The following TFAP2A variants were observed in gnomAD, a reference collection of about 807,000 sequenced individuals.
The protein encoded by TFAP2A is transcription factor AP-2 alpha, also known as transcription factor AP-2-alpha.
In TFAP2A, 7 loss-of-function variants were observed where a neutral mutation model predicts 41.5. That is an observed-to-expected ratio of 0.17 (90% CI 0.10 to 0.32). TFAP2A has a LOEUF of 0.32. Among genes scored for constraint, TFAP2A ranks in the 10% least tolerant of loss-of-function variants. The pLI is 1.00. For missense variants in TFAP2A, 416 were observed against 563.3 expected (o/e 0.74, Z 2.65); for synonymous variants, 247 against 242.8 (o/e 1.02, Z -0.16).
At chr6:10,411,315 C>T (rs1757958144) in intron 1 of TFAP2A, among the ~76,000 whole-genome samples, 1 of 152,002 alleles carries the variant, frequency 6.6e-6, no homozygotes, top group Non-Finnish European at 1.5e-5. Context: ...GAGAAACACG[C>T]CTTGGGAAGC....
Position 10,398,609 on chromosome 6 carries a change from G to A in TFAP2A, c.1128C>T (p.Ser376=). The A allele has an allele frequency of 6.2e-7, 1 of 1,614,234 alleles. No homozygotes were observed. Among genetic ancestry groups the A allele is most frequent in the Non-Finnish European group, 8.5e-7 (1 of 1,180,040 alleles). ...AGATGAGGTTGAAGTGGGTCAAGCA[G>A]CTCTGGATGCCGGGCTCCAGGATGG... ...PNPILEPGIQ[S]CLTHFNLISH... Residue 376 remains serine (S), a synonymous_variant, in exon 7 of 7, where the codon AGC becomes AGT. Coordinates refer to ENST00000379613, the MANE Select transcript of TFAP2A (RefSeq NM_001372066.1). This position sits in a 1 kb window ranked among gnomAD's most constrained non-coding sequence, Gnocchi z 5.3.
intron 2 of TFAP2A, chr6:10,409,053 A>C (rs1757836560): frequency 6.6e-6 from 1 of 152,254 alleles, no homozygotes; most frequent in South Asian, 2.1e-4. Flanking sequence ...CCATAAATAT[A>C]TAGAATTGAA....
Position 10,402,485 on chromosome 6 carries a change from C to A in TFAP2A, c.889+7G>T. ...GTTCCTTCTAGTTAGCAAGTGGATT[C>A]GCTTACCCTCTACTAGTGATGTGAG... is the stretch of plus-strand genomic sequence containing the variant. On this transcript the variant is annotated splice_region_variant and intron_variant, in intron 5 of 6. Coordinates refer to ENST00000379613, the MANE Select transcript of TFAP2A (RefSeq NM_001372066.1). 6.2e-7 allele frequency: 1 copy of A among 1,600,858 alleles called. No homozygotes were observed.
intron 4 of TFAP2A, among the ~76,000 whole-genome samples, chr6:10,404,129 G>A (rs1355519743): frequency 6.6e-6 from 1 of 152,264 alleles, no homozygotes; most frequent in Non-Finnish European, 1.5e-5. Context: ...TGCAAGGTGT[G>A]CGCGAAGAGG....
chr6:10,413,184 C>A (rs1474780498), intron 1 of TFAP2A, among the ~76,000 whole-genome samples: 3 of 152,244 alleles, frequency 2.0e-5, no homozygotes, highest in Non-Finnish European at 4.4e-5. Flanking sequence ...CTGCCCCAAG[C>A]CAGCTCCGAA....
At position 10,400,770 on chromosome 6, in the gene TFAP2A, T is replaced by C. The variant is rs555400537; in HGVS notation, c.890-181A>G. On this transcript the variant is annotated intron_variant, in intron 5 of 6. Coordinates refer to ENST00000379613, the MANE Select transcript of TFAP2A (RefSeq NM_001372066.1). Reference sequence around the variant, plus strand: ...CTGTAGGATCTGGTGGATGCATTTATCAGGAAAAATGACCACTTCTCCTAG... The same window carrying C: ...CTGTAGGATCTGGTGGATGCATTTACCAGGAAAAATGACCACTTCTCCTAG... 5.1e-6 allele frequency: 4 copies of C among 782,144 alleles called. No homozygotes were observed. In the East Asian group the frequency reaches 8.1e-5, roughly 16 times the overall value. 48.5% of individuals were successfully genotyped at this position (782,144 alleles called of 1,614,324 possible).
At position 10,410,213 on chromosome 6, in the gene TFAP2A, T is replaced by A; in HGVS notation, c.174A>T (p.Pro58=). Residue 58 remains proline, a synonymous_variant, in exon 2 of 7, where the codon CCA becomes CCT. Transcript: ENST00000379613. The part of the protein sequence containing the change: ...SHTPNADFQP[P]YFPPPYQPIY... ...TAGGCTGGTAGGGTGGGGGGAAGTA[T>A]GGGGGCTGGAAGTCGGCATTGGGGG... 1 of 322,004 alleles carries A rather than the reference T, an allele frequency of 3.1e-6. No individual in the cohort carries two copies. Among genetic ancestry groups the A allele is most frequent in the Non-Finnish European group, 5.1e-6 (1 of 194,736 alleles). The allele number at this position is 322,004 out of a possible 1,614,324, so 19.9% of individuals were successfully genotyped here. A position where few individuals can be genotyped will look rare whatever the true frequency, so the allele number is the denominator to read the frequency against.
upstream of TFAP2A, chr6:10,418,572 G>A (rs1758322357): frequency 6.6e-6 from 1 of 152,310 alleles, no homozygotes; most frequent in Non-Finnish European, 1.5e-5. Flanking sequence ...CGAAGGGAAA[G>A]TGTCTGGAAG....
intron 6 of TFAP2A, among the ~76,000 whole-genome samples, chr6:10,399,319 A>T (rs1204849490): frequency 6.6e-6 from 1 of 152,264 alleles, no homozygotes; most frequent in Non-Finnish European, 1.5e-5. Context: ...TGTTACTTGG[A>T]GATAATTCAA....
chr6:10,414,464 A>AGAAG, intron 1 of TFAP2A: 1 of 266,926 alleles, frequency 3.7e-6, no homozygotes, highest in Non-Finnish European at 7.4e-6. Flanking sequence ...GGGGGAAGAA[A>AGAAG]GAATGAATGA....
intron 1 of TFAP2A, chr6:10,414,678 T>C: frequency 1.7e-6 from 1 of 604,962 alleles, no homozygotes; most frequent in Middle Eastern, 4.5e-4. Context: ...CCCCCATTCT[T>C]AGGCACAGCC....
At chr6:10,410,605 A>AACAC (rs1266862177) in intron 1 of TFAP2A, among the ~76,000 whole-genome samples, 3 of 152,202 alleles carry the variant, frequency 2.0e-5, no homozygotes, top group Non-Finnish European at 4.4e-5. Context: ...GGTCTCCTGG[A>AACAC]ACACAGCCCA....
intron 1 of TFAP2A, 77 bp downstream of exon 1, chr6:10,414,864 A>G (rs1758176447): frequency 6.3e-7 from 1 of 1,594,956 alleles, no homozygotes; most frequent in Non-Finnish European, 8.6e-7. Context: ...AGCTGGTTGC[A>G]AGGAGAGGAG....
In TFAP2A at chr6:10,400,852, C is replaced by T. The variant is rs1249944469; in HGVS notation, c.890-263G>A. 9.2e-6 allele frequency: 6 copies of T among 651,220 alleles called. No individual in the cohort carries two copies. In the East Asian group the frequency reaches 1.6e-4, roughly 17 times the overall value. 40.3% of individuals were successfully genotyped at this position (651,220 alleles called of 1,614,324 possible). A position where few individuals can be genotyped will look rare whatever the true frequency, so the allele number is the denominator to read the frequency against. The stretch of plus-strand genomic sequence containing the variant: ...ATCCACCAACCTCCAGTCCCATCCC[C>T]CACCCTAAATGACACTTCTCCAAAT... On this transcript the variant is annotated intron_variant, in intron 5 of 6. Transcript: ENST00000379613.
intron 1 of TFAP2A, 112 bp from the exon 2 acceptor site, chr6:10,410,447 G>T: frequency 9.1e-7 from 1 of 1,099,844 alleles, no homozygotes; most frequent in Non-Finnish European, 1.3e-6. Context: ...GTTCCCGTTG[G>T]CTGGCCGCCG....
chr6:10,398,256 A>G lies in TFAP2A; in HGVS notation c.*161T>C, dbSNP rs1246458258. On this transcript the variant is annotated 3_prime_UTR_variant, in exon 7 of 7. Transcript: ENST00000379613. The surrounding 1 kb of genome is among the most constrained non-coding windows in gnomAD (Gnocchi z 5.3). Reference sequence around the variant, plus strand: ...CTGACAGTCGAGAGGGCAGTCCCGGAGACTCGGGGGGACCCAAGGGCAGCG... The same window carrying G: ...CTGACAGTCGAGAGGGCAGTCCCGGGGACTCGGGGGGACCCAAGGGCAGCG... 3.9e-6 allele frequency: 6 copies of G among 1,535,016 alleles called. No homozygotes were observed. In the East Asian group the frequency reaches 1.4e-4, roughly 36 times the overall value.
chr6:10,408,948 C>T (rs1757831566), intron 2 of TFAP2A: 1 of 152,214 alleles, frequency 6.6e-6, no homozygotes, highest in East Asian at 1.9e-4. Flanking sequence ...AGATACATTT[C>T]CTCTCCAAAG....
At chr6:10,411,896 G>GAAAAAGT in intron 1 of TFAP2A, 1 of 1,285,222 alleles carries the variant, frequency 7.8e-7, no homozygotes, top group Non-Finnish European at 9.9e-7. Flanking sequence ...AAGGAAAAAG[G>GAAAAAGT]AAAAAGTATG....
chr6:10,416,655 T>A (rs1403678062), upstream of TFAP2A, among the ~76,000 whole-genome samples: 1 of 152,180 alleles, frequency 6.6e-6, no homozygotes, highest in Non-Finnish European at 1.5e-5. Flanking sequence ...GCCTCCCATA[T>A]TTCCACCGGG....
Sources: allele counts gnomAD v4.1 joint callset (sites outside exome capture counted in the v4.1 genomes callset), GRCh38; gene constraint gnomAD v4.1.1; non-coding constraint Gnocchi (gnomAD v3.1); transcripts MANE v1.5; gene names NCBI Gene and HGNC (gene_info 2026-07-23, HGNC 2026-07-21).